Variants in QKI observed in about 807,000 individuals in gnomAD.
QKI encodes the protein KH domain-containing RNA-binding protein QKI.
A neutral mutation model predicts 39.0 loss-of-function variants in QKI; 10 were observed. The observed-to-expected ratio is 0.26, with a 90% confidence interval of 0.16 to 0.43. QKI has a LOEUF of 0.43. Ranked by LOEUF, QKI falls within the 20% of genes least tolerant of loss-of-function variation. QKI has a pLI of 1.00. For synonymous variants in QKI, 204 were observed against 155.4 expected (o/e 1.31, Z -2.33); for missense variants, 218 against 428.0 (o/e 0.51, Z 4.33).
chr6:163,482,003 A>AC (rs1260592663), intron 3 of QKI, among the ~76,000 whole-genome samples: 1 of 151,942 alleles, frequency 6.6e-6, no homozygotes, highest in Non-Finnish European at 1.5e-5. Flanking sequence ...ACATAGTGAG[A>AC]CCCCCATCTC....
chr6:163,565,309 TC>T (rs1417433630), intron 6 of QKI: 41 of 986,392 alleles, frequency 4.2e-5, no homozygotes, highest in African/African-American at 5.2e-5. Flanking sequence ...CAGCATCTGT[TC>T]CCGAGGAGTT....
chr6:163,522,447 C>T (rs1027747418), intron 3 of QKI, among the ~76,000 whole-genome samples: 3 of 152,032 alleles, frequency 2.0e-5, no homozygotes, highest in African/African-American at 7.2e-5. Context: ...GTGTTCTTTC[C>T]CCCACTCTGT....
At chr6:163,563,133 G>A (rs1783134867) in intron 5 of QKI, among the ~76,000 whole-genome samples, 1 of 152,108 alleles carries the variant, frequency 6.6e-6, no homozygotes, top group Non-Finnish European at 1.5e-5. Context: ...TGAAATCTTA[G>A]ATATATCAAA....
At chr6:163,471,316 C>T (rs938922637) in intron 2 of QKI, among the ~76,000 whole-genome samples, 3 of 151,912 alleles carry the variant, frequency 2.0e-5, no homozygotes, top group Non-Finnish European at 2.9e-5. Context: ...AAGACGTTCA[C>T]TAAAGGAAAT....
chr6:163,455,219 C>T (rs1206747300), intron 1 of QKI, 60 bp from the exon 2 acceptor site: 17 of 1,431,552 alleles, frequency 1.2e-5, no homozygotes, highest in East Asian at 2.4e-5. Context: ...CTCTTTTTTC[C>T]TCTGGACTAG....
chr6:163,511,162 GA>G (rs1779447678), intron 3 of QKI, among the ~76,000 whole-genome samples: 2 of 152,094 alleles, frequency 1.3e-5, no homozygotes, highest in Non-Finnish European at 2.9e-5. Context: ...ATGTCAAAGG[GA>G]AATCAGAAAA....
intron 2 of QKI, among the ~76,000 whole-genome samples, chr6:163,463,089 A>G (rs549086726): frequency 1.3e-5 from 2 of 152,342 alleles, no homozygotes; most frequent in Admixed American, 6.5e-5. Flanking sequence ...TAAAAACACA[A>G]CTGGACTAAT....
intron 2 of QKI, among the ~76,000 whole-genome samples, chr6:163,472,595 C>T (rs1792286289): frequency 6.6e-6 from 1 of 152,108 alleles, no homozygotes; most frequent in South Asian, 2.1e-4. Flanking sequence ...TCTTTTTAAG[C>T]ACCTATGGAA....
At chr6:163,482,059 C>T (rs1251322156) in intron 3 of QKI, among the ~76,000 whole-genome samples, 1 of 151,972 alleles carries the variant, frequency 6.6e-6, no homozygotes, top group Non-Finnish European at 1.5e-5. Flanking sequence ...GTGGCGTGCA[C>T]CTGTAGTCCC....
intron 6 of QKI, chr6:163,565,191 A>G (rs1783280947): frequency 1.0e-6 from 1 of 991,098 alleles, no homozygotes; most frequent in Non-Finnish European, 1.2e-6. Context: ...CATTTTTAAA[A>G]TAACATGTAA....
intron 3 of QKI, among the ~76,000 whole-genome samples, chr6:163,531,666 A>C (rs191022610): frequency 6.6e-6 from 1 of 152,074 alleles, no homozygotes; most frequent in Non-Finnish European, 1.5e-5. Flanking sequence ...ACGAGTTTGG[A>C]CATTTTATTT....
chr6:163,536,720 A>G (rs576741439), intron 4 of QKI, among the ~76,000 whole-genome samples: 1 of 152,318 alleles, frequency 6.6e-6, no homozygotes, highest in Non-Finnish European at 1.5e-5. Flanking sequence ...GAATCTTGTC[A>G]TAAGGTAAAA....
chr6:163,453,701 TATC>T (rs1235928809), intron 1 of QKI, among the ~76,000 whole-genome samples: 1 of 152,170 alleles, frequency 6.6e-6, no homozygotes, highest in Non-Finnish European at 1.5e-5. Flanking sequence ...ATTCTGCCCT[TATC>T]ATGTAGTCAA....
At chr6:163,569,575 TTAAG>T (rs1456115954) in intron 7 of QKI, 1 of 1,129,462 alleles carries the variant, frequency 8.9e-7, no homozygotes, top group African/African-American at 1.7e-5. Context: ...CAAAGGTTGA[TTAAG>T]GAAGGAACAA....
chr6:163,432,229 A>G (rs907885158), intron 1 of QKI, among the ~76,000 whole-genome samples: 1 of 152,316 alleles, frequency 6.6e-6, no homozygotes, highest in African/African-American at 2.4e-5. Flanking sequence ...ATGCACAGTC[A>G]TATTATCATT....
At chr6:163,565,385 C>T (rs1348281055) in intron 6 of QKI, 5 of 986,056 alleles carry the variant, frequency 5.1e-6, no homozygotes, top group South Asian at 4.7e-5. Context: ...GCACTTTCAG[C>T]GCAAGATCTC....
chr6:163,569,644 C>A (rs1783587054), intron 7 of QKI: 1 of 1,001,136 alleles, frequency 1.0e-6, no homozygotes, highest in Non-Finnish European at 1.2e-6. Context: ...TTATGTTTTA[C>A]TGTAATTTTT....
At chr6:163,426,354 G>A (rs908076027) in intron 1 of QKI, among the ~76,000 whole-genome samples, 2 of 151,512 alleles carry the variant, frequency 1.3e-5, no homozygotes, top group Non-Finnish European at 1.5e-5. Flanking sequence ...TTCAAGAATA[G>A]CATCTTCCAC....
chr6:163,565,586 A>G, intron 6 of QKI: 1 of 995,816 alleles, frequency 1.0e-6, no homozygotes, highest in Non-Finnish European at 1.2e-6. Context: ...TTAGACTGGT[A>G]AAATAAAGAC....
Sources: allele counts gnomAD v4.1 joint callset (sites outside exome capture counted in the v4.1 genomes callset), GRCh38; gene constraint gnomAD v4.1.1; transcripts MANE v1.5; gene names NCBI Gene and HGNC (gene_info 2026-07-23, HGNC 2026-07-21).